ALDH2: variants seen among roughly 807,000 people sequenced by gnomAD.
The protein encoded by ALDH2 is aldehyde dehydrogenase 2 family member.
ALDH2 carries 44 observed loss-of-function variants against 59.6 expected under a neutral mutation model. The ratio of observed to expected loss-of-function variants is 0.74; its 90% confidence interval spans 0.58 to 0.95. The LOEUF (loss-of-function observed/expected upper bound fraction) is 0.95. Among genes scored for constraint, ALDH2 ranks in the 40% least tolerant of loss-of-function variants. The pLI, the probability that ALDH2 is intolerant of heterozygous loss-of-function variation, is 0.00. For synonymous variants in ALDH2, 291 were observed against 284.0 expected, an observed-to-expected ratio of 1.02 and a Z score of -0.25; for missense variants, 570 against 696.3, an observed-to-expected ratio of 0.82 and a Z score of 2.04.
chr12:111,806,320 A>G (rs80142727), intron 12 of ALDH2, among the ~76,000 whole-genome samples: 6 of 140,138 alleles, frequency 4.3e-5, no homozygotes, highest in Admixed American at 7.2e-5. Context: ...CCGTCTCAGG[A>G]AAAAAAAAAA....
chr12:111,813,784 C>T lies in ALDH2; in HGVS notation c.*4209C>T, dbSNP rs1483626817. On this transcript the variant is annotated 3_prime_UTR_variant, in exon 13 of 13. Transcript: ENST00000261733. ...AGGCAAATCTATATAGAGAGAAGGTCGATTGCTGGGGGCCCTGGGAAGGGA... is the reference window on the plus strand; with the variant it reads ...AGGCAAATCTATATAGAGAGAAGGTTGATTGCTGGGGGCCCTGGGAAGGGA... 4.6e-5 allele frequency: 7 copies of T among 152,054 alleles called. No homozygotes were observed. The highest frequency in any genetic ancestry group is 7.3e-5 in the Non-Finnish European group (5 of 68,040). 9.4% of individuals were successfully genotyped at this position (152,054 alleles called of 1,614,324 possible).
chr12:111,798,016 C>G (rs941888950), intron 9 of ALDH2, 62 bp from the exon 10 acceptor site: 17 of 1,596,870 alleles, frequency 1.1e-5, no homozygotes, highest in Non-Finnish European at 1.5e-5. Context: ...TAATTCTAAG[C>G]CTGAAGCCTA....
At chr12:111,786,975 C>T (rs561150904) in intron 4 of ALDH2, among the ~76,000 whole-genome samples, 6 of 152,118 alleles carry the variant, frequency 3.9e-5, no homozygotes, top group African/African-American at 9.6e-5. Flanking sequence ...GAGGCTGAGG[C>T]GGGTGGATCA....
chr12:111,777,944 G>A (rs780271456), intron 1 of ALDH2, among the ~76,000 whole-genome samples: 33 of 152,154 alleles, frequency 2.2e-4, no homozygotes, highest in Admixed American at 6.5e-4. Context: ...GTTCTTCTCC[G>A]GTGCCAAGAG....
At chr12:111,792,238 G>T (rs2068366419) in intron 8 of ALDH2, 75 bp downstream of exon 8, 1 of 1,178,880 alleles carries the variant, frequency 8.5e-7, no homozygotes. Context: ...AGCCGATCCT[G>T]TCGCCCCCCC....
chr12:111,799,836 T>C, intron 10 of ALDH2, 70 bp from the exon 11 acceptor site: 2 of 1,538,936 alleles, frequency 1.3e-6, no homozygotes, highest in Non-Finnish European at 1.8e-6. Context: ...TCATCTGTTC[T>C]GCTCTGAGAG....
chr12:111,768,865 TC>T (rs1378526850), intron 1 of ALDH2, among the ~76,000 whole-genome samples: 1 of 152,180 alleles, frequency 6.6e-6, no homozygotes, highest in African/African-American at 2.4e-5. Flanking sequence ...ATGCCTGTAG[TC>T]CCAGCTATAT....
chr12:111,809,476 T>G, intron 12 of ALDH2, 67 bp from the exon 13 acceptor site: 1 of 1,571,322 alleles, frequency 6.4e-7, no homozygotes, highest in Non-Finnish European at 8.8e-7. Context: ...AGTCAGCTCC[T>G]AGCTGAGGGG....
intron 10 of ALDH2, 46 bp downstream of exon 10, chr12:111,798,288 T>C: frequency 6.6e-7 from 1 of 1,514,624 alleles, no homozygotes; most frequent in Non-Finnish European, 8.8e-7. Context: ...TGGCGGGAGG[T>C]GAGGTAAACA....
chr12:111,795,214 T>C (rs10744777), intron 9 of ALDH2, among the ~76,000 whole-genome samples: 80,038 of 152,116 alleles, frequency 0.53, 26,091 homozygotes, highest in East Asian at 0.94. Context: ...TTGATTTTTC[T>C]ATTAATCTGT....
At chr12:111,801,616 T>G (rs1694804042) in intron 11 of ALDH2, among the ~76,000 whole-genome samples, 1 of 151,606 alleles carries the variant, frequency 6.6e-6, no homozygotes, top group African/African-American at 2.4e-5. Context: ...GGAGAATCGC[T>G]TGAACCTGGG....
rs74938832 is a variant in ALDH2, at chr12:111,803,793, G to C, written c.1407-66G>C. 1.7e-3 allele frequency: 1,913 copies of C among 1,150,180 alleles called. 21 individuals carry two copies. The African/African-American group carries it at 0.028, about 17-fold the overall frequency. The allele number at this position is 1,150,180 out of a possible 1,614,324, so 71.2% of individuals were successfully genotyped here. The stretch of plus-strand genomic sequence containing the variant: ...AAAATAAAGACTTTGGGGCAATACA[G>C]GGGGTCCTGGGAGTGTAACCCATAA... On this transcript the variant is annotated intron_variant, in intron 11 of 12. Transcript: ENST00000261733.
chr12:111,805,262 T>C (rs2068485005), intron 12 of ALDH2, among the ~76,000 whole-genome samples: 1 of 152,176 alleles, frequency 6.6e-6, no homozygotes, highest in Non-Finnish European at 1.5e-5. Context: ...TGCATGCCTG[T>C]AGTCCCAGCT....
At chr12:111,777,858 C>T (rs1483745967) in intron 1 of ALDH2, among the ~76,000 whole-genome samples, 1 of 152,154 alleles carries the variant, frequency 6.6e-6, no homozygotes, top group African/African-American at 2.4e-5. Context: ...TGCCATTTCC[C>T]TAAAAATTAA....
rs2068551815 is a variant in ALDH2, at chr12:111,813,751, T to C, written c.*4176T>C. The stretch of plus-strand genomic sequence containing the variant: ...TGTATGATTTCACTTATAGGAAATA[T>C]CCAGAACAGGCAAATCTATATAGAG... On this transcript the variant is annotated 3_prime_UTR_variant, in exon 13 of 13. Coordinates refer to ENST00000261733, the MANE Select transcript of ALDH2 (RefSeq NM_000690.4). 1 of 152,132 alleles carries C rather than the reference T, an allele frequency of 6.6e-6. No homozygotes were observed. The highest frequency in any genetic ancestry group is 1.5e-5 in the Non-Finnish European group (1 of 68,030). 9.4% of individuals were successfully genotyped at this position (152,132 alleles called of 1,614,324 possible).
chr12:111,792,550 G>A (rs1566189937), intron 8 of ALDH2, 48 bp from the exon 9 acceptor site: 4 of 1,581,730 alleles, frequency 2.5e-6, no homozygotes, highest in Non-Finnish European at 2.6e-6. Flanking sequence ...CAGGGCCAGG[G>A]TCCTCCTCCT....
intron 4 of ALDH2, among the ~76,000 whole-genome samples, chr12:111,786,802 C>A (rs1053466992): frequency 5.3e-5 from 8 of 152,042 alleles, no homozygotes; most frequent in Admixed American, 6.6e-5. Flanking sequence ...CCACCTCGGC[C>A]TCCCAAAGTG....
chr12:111,800,410 T>G (rs2068442380), intron 11 of ALDH2, among the ~76,000 whole-genome samples: 1 of 152,118 alleles, frequency 6.6e-6, no homozygotes, highest in Admixed American at 6.6e-5. Context: ...GGCTATATTT[T>G]TATTATTTAT....
intron 9 of ALDH2, among the ~76,000 whole-genome samples, chr12:111,794,254 G>A (rs1217229680): frequency 2.0e-5 from 3 of 152,026 alleles, no homozygotes; most frequent in Non-Finnish European, 2.9e-5. Context: ...TCCTGACCTC[G>A]TGATCCACCC....
Sources: allele counts gnomAD v4.1 joint callset (sites outside exome capture counted in the v4.1 genomes callset), GRCh38; gene constraint gnomAD v4.1.1; transcripts MANE v1.5; gene names NCBI Gene and HGNC (gene_info 2026-07-23, HGNC 2026-07-21).